The following PPP3CA variants were observed in gnomAD, a reference collection of about 807,000 sequenced individuals.
The protein encoded by PPP3CA is CAM-PRP catalytic subunit.
A neutral mutation model predicts 66.5 loss-of-function variants in PPP3CA; 14 were observed. That is an observed-to-expected ratio of 0.21 (90% CI 0.14 to 0.33). The LOEUF (loss-of-function observed/expected upper bound fraction) is 0.33, where lower values mean the gene tolerates loss of function less well. Ranked by LOEUF, PPP3CA falls within the 10% of genes least tolerant of loss-of-function variation. The pLI, the probability that PPP3CA is intolerant of heterozygous loss-of-function variation, is 1.00. For synonymous variants in PPP3CA, 232 were observed against 226.2 expected (o/e 1.03, Z -0.23); for missense variants, 317 against 639.5 (o/e 0.50, Z 5.44).
rs190518710 is a variant in PPP3CA at position 101,062,711 on chromosome 4, C to T, written c.1081+521G>A. Among the ~76,000 whole-genome samples the T allele has an allele frequency of 3.9e-3, 595 of 152,060 alleles. 5 individuals carry two copies. The highest frequency in any genetic ancestry group is 0.013 in the African/African-American group (550 of 41,532). ...GTCTCCTGTTCTGTACCTTATAATG[C>T]GCTAATGCCTACATTATTGATGAAC... On this transcript the variant is annotated intron_variant, in intron 9 of 13. Coordinates refer to ENST00000394854, the MANE Select transcript of PPP3CA (RefSeq NM_000944.5).
intron 1 of PPP3CA, among the ~76,000 whole-genome samples, chr4:101,246,607 A>C (rs1303980651): frequency 6.6e-6 from 1 of 152,004 alleles, no homozygotes; most frequent in Admixed American, 6.5e-5. Context: ...TTCTTTATAT[A>C]AACAAGAAAA....
intron 8 of PPP3CA, 25 bp from the exon 9 acceptor site, chr4:101,063,382 T>G: frequency 6.3e-7 from 1 of 1,598,268 alleles, no homozygotes; most frequent in Non-Finnish European, 8.5e-7. Flanking sequence ...AAGAGGATGT[T>G]AGGAACACAG....
At chr4:101,231,811 ATCAG>A (rs1725971324) in intron 1 of PPP3CA, among the ~76,000 whole-genome samples, 1 of 151,708 alleles carries the variant, frequency 6.6e-6, no homozygotes, top group African/African-American at 2.4e-5. Flanking sequence ...GGACTATTGG[ATCAG>A]TCAGAGCTAC....
chr4:101,088,584 CAAAAAA>C (rs1174497803), intron 6 of PPP3CA, among the ~76,000 whole-genome samples: 1,500 of 35,708 alleles, frequency 0.042, 31 homozygotes, highest in African/African-American at 0.1. Flanking sequence ...GACTCCATCT[CAAAAAA>C]AAAAAAAAAA....
chr4:101,192,339 C>A (rs561323866), intron 2 of PPP3CA, among the ~76,000 whole-genome samples: 1 of 152,080 alleles, frequency 6.6e-6, no homozygotes, highest in Non-Finnish European at 1.5e-5. Flanking sequence ...AATTCCTCCC[C>A]ACCTCTTCCT....
chr4:101,191,886 T>G (rs1724615176), intron 2 of PPP3CA, among the ~76,000 whole-genome samples: 1 of 152,140 alleles, frequency 6.6e-6, no homozygotes, highest in Admixed American at 6.6e-5. Context: ...GGGAATCCTC[T>G]GCTGACCCAG....
At chr4:101,031,750 A>G (rs1340350785) in intron 12 of PPP3CA, among the ~76,000 whole-genome samples, 2 of 152,222 alleles carry the variant, frequency 1.3e-5, no homozygotes, top group Non-Finnish European at 2.9e-5. Context: ...GGTTCTATTC[A>G]GTCTCTTGTT....
chr4:101,238,570 T>C (rs1394652366), intron 1 of PPP3CA, among the ~76,000 whole-genome samples: 1 of 152,032 alleles, frequency 6.6e-6, no homozygotes, highest in African/African-American at 2.4e-5. Flanking sequence ...GGAAAAGACA[T>C]TCAAGCTTAT....
chr4:101,324,158 A>AAGGGAAGGAAGGG (rs1491503916), intron 1 of PPP3CA, among the ~76,000 whole-genome samples: 1 of 51,116 alleles, frequency 2.0e-5, no homozygotes, highest in African/African-American at 6.5e-5. Context: ...GGGAGGGAGG[A>AAGGGAAGGAAGGG]AGGAAGGAAG....
At chr4:101,026,130 C>T in intron 13 of PPP3CA, 69 bp from the exon 14 acceptor site, 2 of 1,342,082 alleles carry the variant, frequency 1.5e-6, no homozygotes, top group Non-Finnish European at 2.0e-6. Flanking sequence ...ACAGCTGTTG[C>T]AGCAGGTGAT....
At chr4:101,261,805 C>T (rs966910271) in intron 1 of PPP3CA, among the ~76,000 whole-genome samples, 2 of 151,844 alleles carry the variant, frequency 1.3e-5, no homozygotes, top group African/African-American at 4.8e-5. Flanking sequence ...TTCTGAAGAA[C>T]TCATTTCTAA....
intron 1 of PPP3CA, among the ~76,000 whole-genome samples, chr4:101,254,314 A>G (rs1726771789): frequency 6.6e-6 from 1 of 152,034 alleles, no homozygotes; most frequent in Non-Finnish European, 1.5e-5. Flanking sequence ...TATCAGATAT[A>G]ATTCGTAAGT....
intron 2 of PPP3CA, among the ~76,000 whole-genome samples, chr4:101,117,623 T>C (rs1200825343): frequency 2.0e-5 from 3 of 151,818 alleles, no homozygotes; most frequent in Non-Finnish European, 4.4e-5. Context: ...ATATAAATTA[T>C]AGTCACGGTT....
chr4:101,146,664 A>C (rs1378813927), intron 2 of PPP3CA, among the ~76,000 whole-genome samples: 1 of 151,950 alleles, frequency 6.6e-6, no homozygotes, highest in Non-Finnish European at 1.5e-5. Context: ...GCTGGCCTCG[A>C]ACTCCTGACC....
At chr4:101,180,619 T>C (rs1004838400) in intron 2 of PPP3CA, among the ~76,000 whole-genome samples, 3 of 152,138 alleles carry the variant, frequency 2.0e-5, no homozygotes, top group African/African-American at 7.2e-5. Flanking sequence ...TATATCTTAC[T>C]ACAGTAACCC....
chr4:101,135,649 AG>A (rs1722598602), intron 2 of PPP3CA, among the ~76,000 whole-genome samples: 1 of 152,226 alleles, frequency 6.6e-6, no homozygotes, highest in Non-Finnish European at 1.5e-5. Context: ...GAAAGTTAAA[AG>A]GAAGCCCACT....
chr4:101,251,558 C>T (rs1385817026), intron 1 of PPP3CA, among the ~76,000 whole-genome samples: 1 of 152,040 alleles, frequency 6.6e-6, no homozygotes, highest in African/African-American at 2.4e-5. Flanking sequence ...AAAGACTGTT[C>T]GTTAAATGTC....
At chr4:101,089,775 C>T (rs997910747) in intron 6 of PPP3CA, among the ~76,000 whole-genome samples, 4 of 152,150 alleles carry the variant, frequency 2.6e-5, no homozygotes, top group African/African-American at 9.7e-5. Context: ...AGTGTGCAAA[C>T]TCTGGTCTAA....
chr4:101,301,495 AT>A (rs1237890550), intron 1 of PPP3CA, among the ~76,000 whole-genome samples: 1,576 of 138,716 alleles, frequency 0.011, 23 homozygotes, highest in African/African-American at 0.033. Context: ...TATATATGTA[AT>A]TTTTTTTTTT....
Sources: allele counts gnomAD v4.1 joint callset (sites outside exome capture counted in the v4.1 genomes callset), GRCh38; gene constraint gnomAD v4.1.1; transcripts MANE v1.5; gene names NCBI Gene and HGNC (gene_info 2026-07-23, HGNC 2026-07-21).